TNRC6A: variants seen among roughly 807,000 people sequenced by gnomAD.
TNRC6A encodes trinucleotide repeat-containing gene 6A protein.
A neutral mutation model predicts 221.2 loss-of-function variants in TNRC6A; 44 were observed. That is an observed-to-expected ratio of 0.20 (90% CI 0.16 to 0.26). TNRC6A has a LOEUF of 0.26. Ranked by LOEUF, TNRC6A falls within the 10% of genes least tolerant of loss-of-function variation. The probability of loss-of-function intolerance (pLI) is 1.00; values close to 1 mark genes in which losing one functional copy is unlikely to be tolerated. For missense variants in TNRC6A, 2,199 were observed against 2,404.4 expected (o/e 0.91, Z 1.79); for synonymous variants, 847 against 838.5 (o/e 1.01, Z -0.18).
At chr16:24,694,002 T>G (rs1001744158) in intron 2 of TNRC6A, among the ~76,000 whole-genome samples, 1 of 152,174 alleles carries the variant, frequency 6.6e-6, no homozygotes, top group African/African-American at 2.4e-5. Flanking sequence ...ATTATTATTC[T>G]GGGACATGTA....
intron 2 of TNRC6A, among the ~76,000 whole-genome samples, chr16:24,655,034 G>A (rs1460942406): frequency 5.9e-5 from 9 of 152,136 alleles, no homozygotes; most frequent in Admixed American, 4.6e-4. Flanking sequence ...CTTGAGCCCA[G>A]GAGTTCAAGA....
intron 2 of TNRC6A, among the ~76,000 whole-genome samples, chr16:24,739,134 T>C (rs2056836218): frequency 1.3e-5 from 2 of 152,238 alleles, no homozygotes; most frequent in Admixed American, 1.3e-4. Flanking sequence ...TACATTCTCA[T>C]CAGCAATGTA....
At chr16:24,728,992 G>C (rs2056542525), upstream of TNRC6A, among the ~76,000 whole-genome samples, 1 of 151,918 alleles carries the variant, frequency 6.6e-6, no homozygotes, top group Non-Finnish European at 1.5e-5. Flanking sequence ...CATTTTGGCT[G>C]TTTGCAATTT....
intron 2 of TNRC6A, among the ~76,000 whole-genome samples, chr16:24,742,725 C>T (rs935041188): frequency 6.6e-6 from 1 of 152,098 alleles, no homozygotes; most frequent in African/African-American, 2.4e-5. Context: ...AGTTTGAGAC[C>T]AGCCTGTCCA....
intron 17 of TNRC6A, among the ~76,000 whole-genome samples, chr16:24,807,505 T>TC (rs2058459076): frequency 6.6e-6 from 1 of 152,196 alleles, no homozygotes; most frequent in Non-Finnish European, 1.5e-5. Flanking sequence ...CTGGGGATGG[T>TC]CACAGTCACA....
intron 2 of TNRC6A, among the ~76,000 whole-genome samples, chr16:24,701,158 G>A (rs2055966256): frequency 6.6e-6 from 1 of 152,212 alleles, no homozygotes; most frequent in African/African-American, 2.4e-5. Context: ...GAGTAACATT[G>A]AAAGAATTGA....
intron 2 of TNRC6A, among the ~76,000 whole-genome samples, chr16:24,683,938 A>G (rs1027076289): frequency 1.3e-5 from 2 of 152,188 alleles, no homozygotes; most frequent in African/African-American, 4.8e-5. Flanking sequence ...TCTGCACCCT[A>G]AAGCCAGGAG....
intron 2 of TNRC6A, among the ~76,000 whole-genome samples, chr16:24,650,649 A>G (rs1192983983): frequency 4.0e-5 from 6 of 151,624 alleles, no homozygotes; most frequent in Admixed American, 4.0e-4. Context: ...TGGGCGATAG[A>G]GTGAGACTCT....
At chr16:24,652,478 G>A (rs1902727688) in intron 2 of TNRC6A, among the ~76,000 whole-genome samples, 1 of 152,074 alleles carries the variant, frequency 6.6e-6, no homozygotes, top group Non-Finnish European at 1.5e-5. Context: ...TAATATCCAG[G>A]TTACCCATCC....
rs76616907 is a variant in TNRC6A, at chr16:24,801,788, C to G, written c.3695-2389C>G. ...CCGTGCTCAGCTGCTACTACTCTTTCAAAAGGTATTTGCATAGGCAAAAAT... is the reference window on the plus strand; with the variant it reads ...CCGTGCTCAGCTGCTACTACTCTTTGAAAAGGTATTTGCATAGGCAAAAAT... On this transcript the variant is annotated intron_variant, in intron 11 of 24. Transcript: ENST00000395799. Among the ~76,000 whole-genome samples, 48 of 152,298 alleles carry G rather than the reference C, an allele frequency of 3.2e-4. No individual in the cohort carries two copies. The East Asian group carries it at 8.7e-3, about 28-fold the overall frequency.
chr16:24,675,004 G>A (rs2055379477), intron 2 of TNRC6A, among the ~76,000 whole-genome samples: 1 of 152,102 alleles, frequency 6.6e-6, no homozygotes, highest in South Asian at 2.1e-4. Context: ...TAATTAGCCA[G>A]TTGTGGTGGC....
chr16:24,782,883 A>C (rs1228412076), intron 5 of TNRC6A, among the ~76,000 whole-genome samples: 1 of 152,132 alleles, frequency 6.6e-6, no homozygotes, highest in Non-Finnish European at 1.5e-5. Context: ...CAAAAAAAAG[A>C]GTGATTTGAA....
At chr16:24,797,626 C>G in intron 10 of TNRC6A, 56 bp downstream of exon 10, 1 of 1,328,196 alleles carries the variant, frequency 7.5e-7, no homozygotes, top group Non-Finnish European at 1.1e-6. Flanking sequence ...CATGATTTAT[C>G]TTGATTTCAC....
chr16:24,790,761 A>G lies in TNRC6A; in HGVS notation c.2119A>G (p.Ile707Val). 2 of 1,614,190 alleles carry G rather than the reference A, an allele frequency of 1.2e-6. No individual in the cohort carries two copies. Among genetic ancestry groups the G allele is most frequent in the South Asian group, 1.1e-5 (1 of 91,086 alleles). ...TGATCAGCACACATTACTCCAAAGC[A>G]TTGTAAACAGAACTGACTTAGATCC... is the stretch of plus-strand genomic sequence containing the variant. Reference protein sequence around the residue: ...KIDQHTLLQSIVNRTDLDPRV... With the variant: ...KIDQHTLLQSVVNRTDLDPRV... Residue 707 changes from isoleucine (I) to valine (V), a missense_variant, in exon 6 of 25, where the codon ATT becomes GTT. This residue lies in a region of TNRC6A where 1,405 missense variants were observed against 1,400.2 expected (regional missense o/e 1.00). Transcript: ENST00000395799.
At chr16:24,722,430 CTTAT>C (rs1194435881) in intron 2 of TNRC6A, among the ~76,000 whole-genome samples, 2 of 24,896 alleles carry the variant, frequency 8.0e-5, no homozygotes, top group African/African-American at 2.8e-4. Flanking sequence ...TATTTATTTA[CTTAT>C]TTATTTATTT....
chr16:24,614,368 T>G (rs1004028344), intron 1 of TNRC6A, among the ~76,000 whole-genome samples: 17 of 152,348 alleles, frequency 1.1e-4, no homozygotes, highest in Non-Finnish European at 2.1e-4. Context: ...CAAAATATTG[T>G]GTCTCTTTTT....
chr16:24,815,005 T>C, intron 18 of TNRC6A, 142 bp from the exon 19 acceptor site: 1 of 861,798 alleles, frequency 1.2e-6, no homozygotes, highest in Non-Finnish European at 1.8e-6. Flanking sequence ...TGTTAGAATC[T>C]CAATATAAAA....
At chr16:24,706,229 C>T (rs563107879) in intron 2 of TNRC6A, among the ~76,000 whole-genome samples, 1 of 152,070 alleles carries the variant, frequency 6.6e-6, no homozygotes, top group African/African-American at 2.4e-5. Flanking sequence ...TAAACTTAAC[C>T]TTTAATTTTA....
intron 15 of TNRC6A, among the ~76,000 whole-genome samples, 199 bp from the exon 16 acceptor site, chr16:24,806,007 T>G (rs1309391224): frequency 1.3e-5 from 2 of 152,142 alleles, no homozygotes; most frequent in African/African-American, 2.4e-5. Flanking sequence ...AGTGAAAGTT[T>G]AGATTGAACT....
Sources: gnomAD v4.1 joint callset for allele counts (sites outside exome capture counted in the v4.1 genomes callset) on GRCh38, gnomAD v4.1.1 for gene constraint, gnomAD v4.1.1 regional missense constraint, MANE v1.5 for transcripts, NCBI Gene and HGNC (gene_info 2026-07-23, HGNC 2026-07-21) for gene names.